ESRRB: variants seen among roughly 807,000 people sequenced by gnomAD.
ESRRB encodes estrogen related receptor beta.
In ESRRB, 16 loss-of-function variants were observed where a neutral mutation model predicts 46.0. That is an observed-to-expected ratio of 0.35 (90% CI 0.24 to 0.53). ESRRB has a LOEUF of 0.53. Ranked by LOEUF, ESRRB falls within the 20% of genes least tolerant of loss-of-function variation. The pLI is 0.93. For synonymous variants in ESRRB, 246 were observed against 259.6 expected, an observed-to-expected ratio of 0.95 and a Z score of 0.50; for missense variants, 488 against 607.4, an observed-to-expected ratio of 0.80 and a Z score of 2.07.
At chr14:76,317,764 C>T (rs1183210035) in intron 1 of ESRRB, among the ~76,000 whole-genome samples, 1 of 152,120 alleles carries the variant, frequency 6.6e-6, no homozygotes, top group Non-Finnish European at 1.5e-5. Flanking sequence ...CTGATGCTTT[C>T]AGGACCACAG....
At chr14:76,389,257 C>A (rs76447618) in intron 1 of ESRRB, among the ~76,000 whole-genome samples, 1 of 152,166 alleles carries the variant, frequency 6.6e-6, no homozygotes, top group African/African-American at 2.4e-5. Flanking sequence ...CTGACTTCTC[C>A]CTGGGGGAAT....
intron 1 of ESRRB, among the ~76,000 whole-genome samples, chr14:76,410,740 A>G (rs1193414430): frequency 6.6e-6 from 1 of 152,054 alleles, no homozygotes; most frequent in East Asian, 1.9e-4. Context: ...AACACAGCAA[A>G]TATTTGAGTT....
intron 2 of ESRRB, among the ~76,000 whole-genome samples, chr14:76,446,815 G>A (rs1888167804): frequency 1.3e-5 from 2 of 152,170 alleles, no homozygotes; most frequent in African/African-American, 4.8e-5. Context: ...TTATACATCA[G>A]GTTCCTGAAT....
intron 5 of ESRRB, among the ~76,000 whole-genome samples, chr14:76,483,481 T>C (rs372386310): frequency 2.0e-4 from 30 of 152,328 alleles, no homozygotes; most frequent in African/African-American, 7.0e-4. Flanking sequence ...GTGTGTTCCA[T>C]GTTTCAGGCT....
intron 2 of ESRRB, among the ~76,000 whole-genome samples, chr14:76,453,327 G>A (rs896172468): frequency 3.9e-5 from 6 of 152,128 alleles, no homozygotes; most frequent in Non-Finnish European, 5.9e-5. Flanking sequence ...GGTGACAGCC[G>A]TTCCCTGGTT....
At chr14:76,397,503 G>T (rs1885742267) in intron 1 of ESRRB, among the ~76,000 whole-genome samples, 1 of 152,210 alleles carries the variant, frequency 6.6e-6, no homozygotes, top group Admixed American at 6.5e-5. Flanking sequence ...GGGAATCCCA[G>T]CTTCAGTCAC....
intron 1 of ESRRB, among the ~76,000 whole-genome samples, chr14:76,364,204 A>G (rs1395121201): frequency 6.6e-6 from 1 of 152,230 alleles, no homozygotes; most frequent in Non-Finnish European, 1.5e-5. Context: ...AAAGAGAGGA[A>G]CCAACCATAT....
chr14:76,391,969 T>C (rs1475444085), intron 1 of ESRRB, among the ~76,000 whole-genome samples: 1 of 152,210 alleles, frequency 6.6e-6, no homozygotes, highest in Non-Finnish European at 1.5e-5. Context: ...AGCAACTTCC[T>C]GTCTAACCTG....
chr14:76,471,960 A>C (rs770085030), intron 3 of ESRRB, among the ~76,000 whole-genome samples: 1 of 152,160 alleles, frequency 6.6e-6, no homozygotes, highest in Non-Finnish European at 1.5e-5. Context: ...TAAGAAATGG[A>C]AGGCAGGGGC....
chr14:76,362,300 G>A (rs1884474169), intron 1 of ESRRB, among the ~76,000 whole-genome samples: 1 of 152,196 alleles, frequency 6.6e-6, no homozygotes, highest in South Asian at 2.1e-4. Context: ...GCTAATGAAG[G>A]GCACAGCAAG....
At chr14:76,481,916 G>A (rs925543292) in intron 3 of ESRRB, 100 bp from the exon 4 acceptor site, 26 of 1,057,408 alleles carry the variant, frequency 2.5e-5, no homozygotes, top group Non-Finnish European at 3.4e-5. Context: ...TCCGAGCAAG[G>A]CCCTGAAGGA....
chr14:76,311,402 A>G (rs1347216773), intron 1 of ESRRB, among the ~76,000 whole-genome samples: 1 of 152,090 alleles, frequency 6.6e-6, no homozygotes, highest in Non-Finnish European at 1.5e-5. Context: ...AGCTCCTGGA[A>G]GTTTTGGTTT....
chr14:76,418,233 G>A (rs1489605423), intron 1 of ESRRB, among the ~76,000 whole-genome samples: 1 of 152,126 alleles, frequency 6.6e-6, no homozygotes, highest in African/African-American at 2.4e-5. Flanking sequence ...GAGATTACAG[G>A]CGTGAGCCAC....
intron 6 of ESRRB, among the ~76,000 whole-genome samples, chr14:76,495,074 C>CCG (rs2060714423): frequency 6.9e-6 from 1 of 144,710 alleles, no homozygotes; most frequent in African/African-American, 2.5e-5. Flanking sequence ...ACATACACAC[C>CCG]CACACATACA....
rs1475395461 is a variant in ESRRB at position 76,498,673 on chromosome 14, T to A, written c.*215T>A. 2.0e-6 allele frequency: 3 copies of A among 1,472,802 alleles called. No homozygotes were observed. Among genetic ancestry groups the A allele is most frequent in the Non-Finnish European group, 2.8e-6 (3 of 1,077,490 alleles). 91.2% of individuals were successfully genotyped at this position (1,472,802 alleles called of 1,614,324 possible). On this transcript the variant is annotated 3_prime_UTR_variant, in exon 7 of 7. Coordinates refer to ENST00000644823, the MANE Select transcript of ESRRB (RefSeq NM_001379180.1). The stretch of plus-strand genomic sequence containing the variant: ...GGGGGGCAGGGGTGTGGGGCTCGAC[T>A]GTAACTGGCTTTTTCTTTGGTATGT...
chr14:76,377,062 G>C (rs569096980), intron 1 of ESRRB, among the ~76,000 whole-genome samples: 73 of 152,316 alleles, frequency 4.8e-4, no homozygotes, highest in Non-Finnish European at 4.6e-4. Flanking sequence ...GCGCTGCGTC[G>C]TAGGCAAAGT....
intron 5 of ESRRB, among the ~76,000 whole-genome samples, chr14:76,484,101 G>A (rs540309083): frequency 4.0e-4 from 61 of 152,218 alleles, no homozygotes; most frequent in East Asian, 1.4e-3. Context: ...AGTGATTTGC[G>A]CACCTCAGCC....
chr14:76,369,471 G>A (rs1021226740), upstream of ESRRB, among the ~76,000 whole-genome samples: 63 of 151,850 alleles, frequency 4.1e-4, no homozygotes, highest in African/African-American at 1.1e-3. Context: ...ACAAGGTCTC[G>A]CCATGTTGCC....
intron 1 of ESRRB, chr14:76,407,694 G>C (rs1886249889): frequency 2.9e-6 from 2 of 681,074 alleles, no homozygotes; most frequent in Non-Finnish European, 3.6e-6. Flanking sequence ...ATGCTGTCTT[G>C]TGGGAGTGGT....
Sources: gnomAD v4.1 joint callset for allele counts (sites outside exome capture counted in the v4.1 genomes callset) on GRCh38, gnomAD v4.1.1 for gene constraint, MANE v1.5 for transcripts, NCBI Gene and HGNC (gene_info 2026-07-23, HGNC 2026-07-21) for gene names.